GLB1: variants seen among roughly 807,000 people sequenced by gnomAD.
The protein encoded by GLB1 is beta-galactosidase.
A neutral mutation model predicts 74.0 loss-of-function variants in GLB1; 56 were observed. That is an observed-to-expected ratio of 0.76 (90% CI 0.61 to 0.94). GLB1 has a LOEUF of 0.94. Among genes scored for constraint, GLB1 ranks in the 40% least tolerant of loss-of-function variants. The pLI, the probability that GLB1 is intolerant of heterozygous loss-of-function variation, is 0.00. For missense variants in GLB1, 787 were observed against 845.5 expected (o/e 0.93, Z 0.86); for synonymous variants, 323 against 323.6 (o/e 1.00, Z 0.02).
chr3:32,974,432 T>C, the GLB1 span, among the ~76,000 whole-genome samples: 1 of 152,064 alleles, frequency 6.6e-6, no homozygotes, highest in Non-Finnish European at 1.5e-5. Context: ...TATCCACATC[T>C]ATATCTATAT....
intron 15 of GLB1, among the ~76,000 whole-genome samples, chr3:32,998,488 C>T (rs1038626744): frequency 1.4e-4 from 21 of 147,170 alleles, no homozygotes; most frequent in Non-Finnish European, 3.1e-4. Flanking sequence ...TAGCCTTGCG[C>T]AGTGACAGAG....
In GLB1 at chr3:32,997,100, C is replaced by A. The variant is rs772803158; in HGVS notation, c.1979G>T (p.Arg660Ile). 6.8e-6 allele frequency: 11 copies of A among 1,613,998 alleles called. No individual in the cohort carries two copies. Among genetic ancestry groups the A allele is most frequent in the Non-Finnish European group, 8.5e-6 (10 of 1,179,990 alleles). ...TTTTTGCGGGGGTGGGGGCATGAGT[C>A]TTTTTTCAACAGGTTTGGAGGGATG... ...YDHPSKPVEK[R>I]LMPPPPQKNK... Residue 660 changes from arginine (R) to isoleucine (I), a missense_variant, in exon 16 of 16, where the codon AGA (arginine) becomes ATA (isoleucine). Coordinates refer to ENST00000307363, the MANE Select transcript of GLB1 (RefSeq NM_000404.4).
At position 33,093,586 on chromosome 3, in the gene GLB1, T is replaced by C. The variant is rs756726723; in HGVS notation, c.75+3425A>G. The C allele has an allele frequency of 1.9e-6, 3 of 1,614,160 alleles. No homozygotes were observed. The highest frequency in any genetic ancestry group is 2.5e-6 in the Non-Finnish European group (3 of 1,180,004). On this transcript the variant is annotated intron_variant, in intron 1 of 15. Coordinates refer to ENST00000307363, the MANE Select transcript of GLB1 (RefSeq NM_000404.4). This position sits in a 1 kb window ranked among gnomAD's most constrained non-coding sequence, Gnocchi z 6.0. ...AGGAGCACGATCTTGAGGTTGTTCA[T>C]TGAGGCAGGCAGCTGATGGATGGGC...
chr3:32,970,134 T>G, the GLB1 span, among the ~76,000 whole-genome samples: 1 of 152,322 alleles, frequency 6.6e-6, no homozygotes, highest in Non-Finnish European at 1.5e-5. Flanking sequence ...AACCAACATT[T>G]GTGGCTGAAA....
At chr3:33,073,518 T>A (rs1459500348) in intron 1 of GLB1, among the ~76,000 whole-genome samples, 1 of 151,934 alleles carries the variant, frequency 6.6e-6, no homozygotes, top group Non-Finnish European at 1.5e-5. Context: ...TGAAACCCCA[T>A]CTCTACCAAA....
intron 1 of GLB1, among the ~76,000 whole-genome samples, chr3:33,085,911 A>G (rs75947417): frequency 8.5e-5 from 11 of 129,108 alleles, no homozygotes; most frequent in Admixed American, 1.6e-4. Flanking sequence ...GTCTCTACCA[A>G]AAAAAAAAAA....
intron 10 of GLB1, among the ~76,000 whole-genome samples, chr3:33,026,237 C>T (rs1401148936): frequency 6.6e-6 from 1 of 152,202 alleles, no homozygotes; most frequent in Non-Finnish European, 1.5e-5. Context: ...TCTCTCTTCT[C>T]CCAGCGCCAC....
intron 15 of GLB1, among the ~76,000 whole-genome samples, chr3:33,000,968 C>A (rs944998168): frequency 6.6e-6 from 1 of 152,174 alleles, no homozygotes; most frequent in African/African-American, 2.4e-5. Flanking sequence ...CTAGGCTCTG[C>A]ATAGCTGCCA....
chr3:33,037,650 T>A (rs937571292), intron 10 of GLB1, among the ~76,000 whole-genome samples: 4 of 152,092 alleles, frequency 2.6e-5, no homozygotes, highest in Admixed American at 1.3e-4. Flanking sequence ...GGACACCACA[T>A]AAAAACTAAT....
chr3:32,992,402 C>T (rs775970107), downstream of GLB1, among the ~76,000 whole-genome samples: 1 of 152,160 alleles, frequency 6.6e-6, no homozygotes. Flanking sequence ...CCTCTTGTCC[C>T]CCAGGTTTCC....
intron 10 of GLB1, among the ~76,000 whole-genome samples, chr3:33,030,973 T>A (rs1200466146): frequency 6.6e-6 from 1 of 152,202 alleles, no homozygotes; most frequent in African/African-American, 2.4e-5. Context: ...TTAACCATGT[T>A]TGGTTGAGTT....
intron 1 of GLB1, chr3:33,091,556 T>C: frequency 1.0e-6 from 1 of 985,410 alleles, no homozygotes; most frequent in Non-Finnish European, 1.2e-6. Flanking sequence ...TAACATTGAG[T>C]GTTTACTGTG....
At chr3:32,996,310 G>C (rs1696309499), downstream of GLB1, among the ~76,000 whole-genome samples, 2 of 152,162 alleles carry the variant, frequency 1.3e-5, no homozygotes, top group African/African-American at 4.8e-5. Context: ...CATGTGTATA[G>C]GCCTGTACTG....
At chr3:32,988,709 T>G in the GLB1 span, among the ~76,000 whole-genome samples, 1 of 152,238 alleles carries the variant, frequency 6.6e-6, no homozygotes, top group African/African-American at 2.4e-5. Context: ...GAGATGAATC[T>G]GCAGTGACTT....
chr3:33,041,249 T>C (rs1199680428), intron 10 of GLB1, among the ~76,000 whole-genome samples: 1 of 152,064 alleles, frequency 6.6e-6, no homozygotes, highest in Non-Finnish European at 1.5e-5. Flanking sequence ...TCAGAAGCTG[T>C]CCAAGAGGAA....
At chr3:32,993,050 G>A (rs1056817725), downstream of GLB1, among the ~76,000 whole-genome samples, 1 of 152,162 alleles carries the variant, frequency 6.6e-6, no homozygotes, top group African/African-American at 2.4e-5. Context: ...GACCAGTCAG[G>A]ATCCCTCAGA....
At chr3:32,963,502 A>T in the GLB1 span, among the ~76,000 whole-genome samples, 30 of 152,338 alleles carry the variant, frequency 2.0e-4, no homozygotes, top group Non-Finnish European at 3.4e-4. Flanking sequence ...AAGACAAATG[A>T]TAAACAGGGT....
At chr3:33,024,698 T>A (rs1697658161) in intron 10 of GLB1, among the ~76,000 whole-genome samples, 1 of 152,184 alleles carries the variant, frequency 6.6e-6, no homozygotes, top group Non-Finnish European at 1.5e-5. Context: ...AAAATATTAA[T>A]CTTATTGCTA....
chr3:33,091,769 A>G (rs2125582992), intron 1 of GLB1: 1 of 985,444 alleles, frequency 1.0e-6, no homozygotes, highest in East Asian at 1.1e-4. Context: ...TTCACTCCCC[A>G]TTGGAGGAAG....
Sources: gnomAD v4.1 joint callset for allele counts (sites outside exome capture counted in the v4.1 genomes callset) on GRCh38, gnomAD v4.1.1 for gene constraint, Gnocchi (gnomAD v3.1) non-coding constraint, MANE v1.5 for transcripts, NCBI Gene and HGNC (gene_info 2026-07-23, HGNC 2026-07-21) for gene names.